CCDC146: variants seen among roughly 807,000 people sequenced by gnomAD.
CCDC146 encodes the protein coiled-coil domain-containing protein 146.
Under a neutral mutation model 119.3 loss-of-function variants are expected in CCDC146, and 92 were observed. That is an observed-to-expected ratio of 0.77 (90% confidence interval 0.65 to 0.92). CCDC146 has a LOEUF of 0.92. CCDC146 is among the 40% of genes least tolerant of loss of function. CCDC146 has a pLI of 0.00. For synonymous variants in CCDC146, 372 were observed against 371.8 expected, an observed-to-expected ratio of 1.00 and a Z score of -0.01; for missense variants, 1,000 against 1,103.0, an observed-to-expected ratio of 0.91 and a Z score of 1.32.
chr7:77,224,396 A>G (rs1309130162), intron 2 of CCDC146, among the ~76,000 whole-genome samples: 2 of 152,098 alleles, frequency 1.3e-5, no homozygotes, highest in Non-Finnish European at 1.5e-5. Flanking sequence ...CTTTCATTTC[A>G]TGTCTCAAAT....
intron 2 of CCDC146, among the ~76,000 whole-genome samples, chr7:77,218,430 G>A (rs1792338908): frequency 6.6e-6 from 1 of 151,954 alleles, no homozygotes; most frequent in South Asian, 2.1e-4. Flanking sequence ...TGGTATGTGT[G>A]CACACATTGA....
rs528580396 is a variant in CCDC146, at chr7:77,272,566, G to A, written c.1174-1128G>A. On this transcript the variant is annotated intron_variant, in intron 9 of 18. Coordinates refer to ENST00000285871, the MANE Select transcript of CCDC146 (RefSeq NM_020879.3). ...AGTGTGTGCTGTCACAGTAGGAACTGAACCACATCAGATTGGAGTCATGAG... is the reference window on the plus strand; with the variant it reads ...AGTGTGTGCTGTCACAGTAGGAACTAAACCACATCAGATTGGAGTCATGAG... 8.5e-4 allele frequency among the ~76,000 whole-genome samples: 130 copies of A among 152,294 alleles called. 1 individual carries two copies. The Middle Eastern group carries it at 0.01, about 12-fold the overall frequency.
intron 2 of CCDC146, among the ~76,000 whole-genome samples, chr7:77,203,858 G>C (rs1792039522): frequency 6.6e-6 from 1 of 152,102 alleles, no homozygotes; most frequent in Non-Finnish European, 1.5e-5. Context: ...TTTTAAAGTA[G>C]CAAAATTTAT....
intron 11 of CCDC146, among the ~76,000 whole-genome samples, chr7:77,276,170 C>A (rs1189959416): frequency 3.7e-5 from 5 of 134,822 alleles, no homozygotes; most frequent in African/African-American, 1.4e-4. Context: ...CGCACCACTG[C>A]ATTCCAGCCT....
chr7:77,189,553 C>T (rs538387123), intron 2 of CCDC146, among the ~76,000 whole-genome samples: 3 of 152,284 alleles, frequency 2.0e-5, no homozygotes, highest in East Asian at 3.9e-4. Flanking sequence ...AAAACCCTTA[C>T]GGCTCTTATC....
intron 2 of CCDC146, among the ~76,000 whole-genome samples, chr7:77,175,497 T>C (rs1476283079): frequency 2.0e-5 from 3 of 150,748 alleles, no homozygotes; most frequent in Non-Finnish European, 4.4e-5. Flanking sequence ...CCAATCATCA[T>C]GGGCAATGAT....
chr7:77,229,323 TA>T (rs1792576219), intron 2 of CCDC146, among the ~76,000 whole-genome samples: 1 of 152,254 alleles, frequency 6.6e-6, no homozygotes, highest in South Asian at 2.1e-4. Flanking sequence ...TTAGTTTAAT[TA>T]GATCCCGTTT....
intron 2 of CCDC146, among the ~76,000 whole-genome samples, chr7:77,228,501 A>G (rs1229106325): frequency 6.6e-6 from 1 of 152,130 alleles, no homozygotes; most frequent in African/African-American, 2.4e-5. Flanking sequence ...ATTCTTTTTT[A>G]TGGCTGCATA....
chr7:77,285,626 T>C (rs1793834072), intron 15 of CCDC146, among the ~76,000 whole-genome samples: 1 of 152,174 alleles, frequency 6.6e-6, no homozygotes, highest in African/African-American at 2.4e-5. Context: ...AGATAAATGA[T>C]TTACCTGAGA....
chr7:77,172,171 C>T (rs1490765236), intron 2 of CCDC146, among the ~76,000 whole-genome samples: 4 of 152,190 alleles, frequency 2.6e-5, no homozygotes, highest in African/African-American at 4.8e-5. Context: ...AACTTTATTT[C>T]CGTAACAACA....
rs773321059 is a variant in CCDC146 at position 77,196,856 on chromosome 7, C to G, written c.156+29032C>G. The stretch of plus-strand genomic sequence containing the variant: ...TGCCTGCAGCACTGTCCAGCCTCCC[C>G]CCATGGTCTCCATGTCACAGTAAAC... On this transcript the variant is annotated intron_variant, in intron 2 of 18. Coordinates refer to ENST00000285871, the MANE Select transcript of CCDC146 (RefSeq NM_020879.3). This position sits in a 1 kb window ranked among gnomAD's most constrained non-coding sequence, Gnocchi z 4.2. 2.9e-5 allele frequency: 47 copies of G among 1,614,006 alleles called. No homozygotes were observed. Among genetic ancestry groups the G allele is most frequent in the South Asian group, 1.6e-4 (15 of 91,058 alleles).
At chr7:77,261,538 C>T (rs1455107744) in intron 8 of CCDC146, among the ~76,000 whole-genome samples, 6 of 152,098 alleles carry the variant, frequency 3.9e-5, no homozygotes, top group African/African-American at 1.2e-4. Flanking sequence ...ACTGCAGTGG[C>T]GCAATCTCGG....
intron 1 of CCDC146, among the ~76,000 whole-genome samples, chr7:77,140,373 G>C (rs1327635891): frequency 7.2e-5 from 11 of 152,168 alleles, no homozygotes; most frequent in African/African-American, 2.4e-5. Flanking sequence ...TTAAGTAACA[G>C]AAATTTATTT....
chr7:77,242,082 C>T (rs536721366), intron 4 of CCDC146, among the ~76,000 whole-genome samples, 182 bp downstream of exon 4: 23 of 152,176 alleles, frequency 1.5e-4, no homozygotes, highest in Non-Finnish European at 1.6e-4. Context: ...TTACACTTCT[C>T]GAATAAAAGC....
chr7:77,271,564 A>G (rs1424519285), intron 9 of CCDC146, among the ~76,000 whole-genome samples: 1 of 70,556 alleles, frequency 1.4e-5, no homozygotes, highest in Admixed American at 1.6e-4. Context: ...ATATATATAT[A>G]TATATGGAGA....
intron 8 of CCDC146, among the ~76,000 whole-genome samples, chr7:77,261,731 C>T (rs1793303936): frequency 6.6e-6 from 1 of 152,180 alleles, no homozygotes; most frequent in Non-Finnish European, 1.5e-5. Flanking sequence ...CCCACCTCGG[C>T]CTCCCAAAGT....
chr7:77,248,235 G>A (rs1013529124), intron 4 of CCDC146, among the ~76,000 whole-genome samples: 3 of 152,312 alleles, frequency 2.0e-5, no homozygotes, highest in Non-Finnish European at 2.9e-5. Context: ...ACACGTGGAC[G>A]TAGAGTGTGG....
chr7:77,172,497 T>C (rs1279744701), intron 2 of CCDC146, among the ~76,000 whole-genome samples: 1 of 152,228 alleles, frequency 6.6e-6, no homozygotes, highest in African/African-American at 2.4e-5. Context: ...TTATTAATGC[T>C]AGTTGCACAG....
At chr7:77,184,344 T>C (rs2150418740) in intron 2 of CCDC146, among the ~76,000 whole-genome samples, 1 of 152,342 alleles carries the variant, frequency 6.6e-6, no homozygotes, top group South Asian at 2.1e-4. Context: ...CAGCGCAGCA[T>C]GTTAAATACC....
Sources: allele counts gnomAD v4.1 joint callset (sites outside exome capture counted in the v4.1 genomes callset), GRCh38; gene constraint gnomAD v4.1.1; non-coding constraint Gnocchi (gnomAD v3.1); transcripts MANE v1.5; gene names NCBI Gene and HGNC (gene_info 2026-07-23, HGNC 2026-07-21).